PTPRS: variants seen among roughly 807,000 people sequenced by gnomAD.
PTPRS encodes the protein receptor-type tyrosine-protein phosphatase S.
PTPRS carries 63 observed loss-of-function variants against 215.3 expected under a neutral mutation model. That is an observed-to-expected ratio of 0.29 (90% CI 0.24 to 0.36). The LOEUF is 0.36. Among genes scored for constraint, PTPRS ranks in the 10% least tolerant of loss-of-function variants. The probability of loss-of-function intolerance (pLI) is 1.00; values close to 1 mark genes in which losing one functional copy is unlikely to be tolerated. For missense variants in PTPRS, 2,258 were observed against 2,825.8 expected (o/e 0.80, Z 4.56); for synonymous variants, 1,404 against 1,191.4 (o/e 1.18, Z -3.68).
chr19:5,331,078 G>C (rs1405939789), intron 1 of PTPRS, among the ~76,000 whole-genome samples: 1 of 142,094 alleles, frequency 7.0e-6, no homozygotes, highest in South Asian at 2.2e-4. Context: ...CCATCTGCCT[G>C]ATTTCTCTCG....
chr19:5,252,524 C>T (rs2045203242), intron 9 of PTPRS, among the ~76,000 whole-genome samples: 1 of 144,672 alleles, frequency 6.9e-6, no homozygotes, highest in African/African-American at 2.6e-5. Context: ...TTGCAGTGAG[C>T]CGAGATTGCG....
At chr19:5,231,831 G>A (rs1393643849) in intron 13 of PTPRS, among the ~76,000 whole-genome samples, 1 of 152,172 alleles carries the variant, frequency 6.6e-6, no homozygotes, top group African/African-American at 2.4e-5. Context: ...GATGGGGCTG[G>A]GAGGGCTGGC....
intron 2 of PTPRS, 92 bp from the exon 3 acceptor site, chr19:5,274,436 C>T: frequency 7.1e-7 from 1 of 1,400,088 alleles, no homozygotes; most frequent in Non-Finnish European, 9.6e-7. Context: ...ATTCCATGCC[C>T]TGCCCACGGA....
chr19:5,340,357 G>T (rs1435494597), intron 1 of PTPRS, among the ~76,000 whole-genome samples: 1 of 151,136 alleles, frequency 6.6e-6, no homozygotes, highest in African/African-American at 2.4e-5. Context: ...CCAATGCCGC[G>T]CTCTGGGCGC....
At chr19:5,261,585 G>A (rs562696721) in intron 6 of PTPRS, among the ~76,000 whole-genome samples, 15 of 152,286 alleles carry the variant, frequency 9.8e-5, no homozygotes, top group African/African-American at 2.9e-4. Flanking sequence ...TTGATAACTC[G>A]GCTGGCTGGG....
chr19:5,263,503 C>T lies in PTPRS; in HGVS notation c.569-531G>A, dbSNP rs570371783. Among the ~76,000 whole-genome samples the T allele has an allele frequency of 9.2e-5, 14 of 152,050 alleles. No homozygotes were observed. In the South Asian group the frequency reaches 1.9e-3, roughly 20 times the overall value. ...GGAGGTACTGCTGCAAAGGGGGCTC[C>T]GTGGCGGGATCCTCGGAGGAAGGGG... On this transcript the variant is annotated intron_variant, in intron 5 of 37. Coordinates refer to ENST00000262963, the MANE Select transcript of PTPRS (RefSeq NM_002850.4).
intron 1 of PTPRS, among the ~76,000 whole-genome samples, chr19:5,290,955 A>G (rs184476023): frequency 1.3e-5 from 2 of 151,768 alleles, no homozygotes; most frequent in African/African-American, 4.8e-5. Flanking sequence ...CAGCAAGCAC[A>G]GGCTCTGTGG....
At chr19:5,315,831 A>C (rs560428094) in intron 1 of PTPRS, among the ~76,000 whole-genome samples, 96 of 149,838 alleles carry the variant, frequency 6.4e-4, no homozygotes, top group Non-Finnish European at 1.1e-3. Context: ...GGGTCTTGCT[A>C]TGCTGCCCTG....
At chr19:5,335,176 C>T (rs1342059821) in intron 1 of PTPRS, among the ~76,000 whole-genome samples, 2 of 152,208 alleles carry the variant, frequency 1.3e-5, no homozygotes, top group Non-Finnish European at 2.9e-5. Context: ...AGAGCCATGG[C>T]TTCTCCGCCC....
chr19:5,326,866 A>G (rs1251325342), intron 1 of PTPRS, among the ~76,000 whole-genome samples: 1 of 151,932 alleles, frequency 6.6e-6, no homozygotes, highest in African/African-American at 2.4e-5. Flanking sequence ...AAGGAAGGAA[A>G]GAAGGAATGA....
In PTPRS at chr19:5,278,063, C is replaced by T. The variant is rs1276339796; in HGVS notation, c.92-3719G>A. The T allele has an allele frequency of 8.4e-5, 88 of 1,043,298 alleles. 1 individual carries two copies. In the South Asian group the frequency reaches 1.1e-3, roughly 13 times the overall value. 64.6% of individuals were successfully genotyped at this position (1,043,298 alleles called of 1,614,324 possible). Reference sequence around the variant, plus strand: ...TTTCCTCCAAGAAACGCAAAACCAACGTGGAAAGGGCCGCCCAGCTGCCGT... The same window carrying T: ...TTTCCTCCAAGAAACGCAAAACCAATGTGGAAAGGGCCGCCCAGCTGCCGT... On this transcript the variant is annotated intron_variant, in intron 2 of 37. Transcript: ENST00000262963.
At chr19:5,228,361 A>AAAAAAAAAAAAAG (rs1555757601) in intron 16 of PTPRS, among the ~76,000 whole-genome samples, 1 of 144,056 alleles carries the variant, frequency 6.9e-6, no homozygotes, top group African/African-American at 2.6e-5. Context: ...AAAAAAAAAA[A>AAAAAAAAAAAAAG]AAGAGACAGG....
chr19:5,218,551 G>A lies in PTPRS; in HGVS notation c.3936-19C>T. On this transcript the variant is annotated intron_variant, in intron 24 of 37. Transcript: ENST00000262963. ...GCGTTTACTTTAGGAGAAGCAAGCGGAACAGTCCAGTTAGTAGTGGCACAT... is the reference window on the plus strand; with the variant it reads ...GCGTTTACTTTAGGAGAAGCAAGCGAAACAGTCCAGTTAGTAGTGGCACAT... 6.2e-7 allele frequency: 1 copy of A among 1,610,126 alleles called. No individual in the cohort carries two copies. The highest frequency in any genetic ancestry group is 8.5e-7 in the Non-Finnish European group (1 of 1,176,372).
At chr19:5,277,126 C>A (rs1438224497) in intron 2 of PTPRS, among the ~76,000 whole-genome samples, 2 of 148,332 alleles carry the variant, frequency 1.3e-5, no homozygotes, top group Admixed American at 1.4e-4. Flanking sequence ...GTGGCGCGAT[C>A]TTGGCTCACG....
At chr19:5,241,232 C>T (rs1321234984) in intron 11 of PTPRS, among the ~76,000 whole-genome samples, 10 of 151,934 alleles carry the variant, frequency 6.6e-5, no homozygotes, top group Admixed American at 5.9e-4. Context: ...TCGCTGGCTG[C>T]GAATTAGATG....
At chr19:5,279,568 G>A (rs1261990958) in intron 2 of PTPRS, among the ~76,000 whole-genome samples, 1 of 151,918 alleles carries the variant, frequency 6.6e-6, no homozygotes, top group South Asian at 2.1e-4. Context: ...ACAGGGTCTC[G>A]CTATGTTTCC....
intron 2 of PTPRS, among the ~76,000 whole-genome samples, chr19:5,279,194 A>C (rs2047646108): frequency 6.6e-6 from 1 of 152,070 alleles, no homozygotes; most frequent in African/African-American, 2.4e-5. Flanking sequence ...TCAAAAAAAA[A>C]AGAAAAAAGG....
intron 2 of PTPRS, among the ~76,000 whole-genome samples, chr19:5,279,486 C>T (rs1244421479): frequency 1.3e-5 from 2 of 151,820 alleles, no homozygotes; most frequent in Admixed American, 1.3e-4. Context: ...ATCCTCTGGC[C>T]TCAGTCTCCT....
intron 5 of PTPRS, among the ~76,000 whole-genome samples, chr19:5,264,586 C>T (rs1032894434): frequency 1.3e-5 from 2 of 152,206 alleles, no homozygotes; most frequent in African/African-American, 2.4e-5. Flanking sequence ...GCTCGGATTA[C>T]AGGCATAAGC....
Sources: gnomAD v4.1 joint callset for allele counts (sites outside exome capture counted in the v4.1 genomes callset) on GRCh38, gnomAD v4.1.1 for gene constraint, MANE v1.5 for transcripts, NCBI Gene and HGNC (gene_info 2026-07-23, HGNC 2026-07-21) for gene names.